Variants in ST3GAL3 observed in about 807,000 individuals in gnomAD.
The protein encoded by ST3GAL3 is ST3 beta-galactoside alpha-2,3-sialyltransferase 3, also known as CMP-N-acetylneuraminate-beta-1,4-galactoside alpha-2,3-sialyltransferase.
ST3GAL3 carries 21 observed loss-of-function variants against 50.1 expected under a neutral mutation model. The observed-to-expected ratio is 0.42, with a 90% confidence interval of 0.30 to 0.60. The LOEUF is 0.60. ST3GAL3 is among the 20% of genes least tolerant of loss of function. The probability of loss-of-function intolerance (pLI) is 0.19; values close to 1 mark genes in which losing one functional copy is unlikely to be tolerated. For missense variants in ST3GAL3, 353 were observed against 489.4 expected, an observed-to-expected ratio of 0.72 and a Z score of 2.63; for synonymous variants, 183 against 190.0, an observed-to-expected ratio of 0.96 and a Z score of 0.30.
At chr1:43,757,068 C>T (rs957475633) in intron 2 of ST3GAL3, among the ~76,000 whole-genome samples, 1 of 152,084 alleles carries the variant, frequency 6.6e-6, no homozygotes, top group African/African-American at 2.4e-5. Flanking sequence ...CCACGCCTAG[C>T]TAACTTTTAT....
intron 5 of ST3GAL3, among the ~76,000 whole-genome samples, chr1:43,854,890 C>G (rs1446369802): frequency 6.6e-6 from 1 of 152,186 alleles, no homozygotes; most frequent in African/African-American, 2.4e-5. Flanking sequence ...TGTCTTCTTT[C>G]CGAGGTCAGT....
intron 4 of ST3GAL3, among the ~76,000 whole-genome samples, chr1:43,828,490 CACAT>C (rs1352254152): frequency 6.6e-6 from 1 of 152,044 alleles, no homozygotes; most frequent in East Asian, 1.9e-4. Flanking sequence ...AAATTGCAAA[CACAT>C]ACCTGATTAA....
chr1:43,813,903 GCACACACACACA>G (rs57672840), intron 3 of ST3GAL3, among the ~76,000 whole-genome samples: 11 of 125,884 alleles, frequency 8.7e-5, no homozygotes, highest in East Asian at 6.1e-4. Context: ...ACGCACACAC[GCACACACACACA>G]CACACACACA....
At chr1:43,820,293 A>G (rs1158311859) in intron 4 of ST3GAL3, among the ~76,000 whole-genome samples, 2 of 152,318 alleles carry the variant, frequency 1.3e-5, no homozygotes, top group South Asian at 2.1e-4. Context: ...ATTTTACCAT[A>G]TATAAAAATT....
intron 3 of ST3GAL3, among the ~76,000 whole-genome samples, chr1:43,803,357 T>G (rs529961566): frequency 1.3e-3 from 191 of 145,252 alleles, no homozygotes; most frequent in African/African-American, 4.5e-3. Flanking sequence ...CTGGGCAGCA[T>G]AGCAAGATCC....
chr1:43,878,105 C>T (rs575498555), intron 5 of ST3GAL3, among the ~76,000 whole-genome samples: 2 of 152,292 alleles, frequency 1.3e-5, no homozygotes, highest in South Asian at 2.1e-4. Context: ...ATCCGTCTCT[C>T]GCCTCTTCTG....
At chr1:43,709,684 A>G (rs1276882725) in intron 1 of ST3GAL3, 2 of 152,170 alleles carry the variant, frequency 1.3e-5, no homozygotes, top group Non-Finnish European at 2.9e-5. Context: ...CTACCAAAAA[A>G]AAAATACAAA....
At chr1:43,869,848 T>G (rs1033902831) in intron 5 of ST3GAL3, among the ~76,000 whole-genome samples, 1 of 152,200 alleles carries the variant, frequency 6.6e-6, no homozygotes, top group Non-Finnish European at 1.5e-5. Context: ...AAACAGCGAC[T>G]GAGATAAGCC....
At chr1:43,839,536 A>G (rs890463749) in intron 5 of ST3GAL3, 3 of 152,248 alleles carry the variant, frequency 2.0e-5, no homozygotes, top group Non-Finnish European at 4.4e-5. Context: ...AACCTCAAAC[A>G]GTACAAAAGG....
intron 9 of ST3GAL3, chr1:43,919,112 C>T (rs1374774342): frequency 9.1e-6 from 1 of 110,000 alleles, no homozygotes; most frequent in Non-Finnish European, 1.7e-5. Flanking sequence ...GAGTCTCGCT[C>T]TGTCGCCCAG....
chr1:43,850,847 C>G, intron 5 of ST3GAL3: 1 of 1,200,338 alleles, frequency 8.3e-7, no homozygotes. Flanking sequence ...GGGGACCTCC[C>G]TGAAGGCCAG....
chr1:43,778,991 G>T (rs1698421032), intron 2 of ST3GAL3, among the ~76,000 whole-genome samples: 2 of 148,668 alleles, frequency 1.3e-5, no homozygotes, highest in Admixed American at 6.8e-5. Flanking sequence ...CATCCAGGCT[G>T]GAGTGCAATG....
intron 5 of ST3GAL3, among the ~76,000 whole-genome samples, chr1:43,892,238 C>T (rs1308831479): frequency 1.3e-5 from 2 of 152,136 alleles, no homozygotes; most frequent in Non-Finnish European, 2.9e-5. Flanking sequence ...CCACTGCGCC[C>T]AGCCTGAACC....
intron 1 of ST3GAL3, among the ~76,000 whole-genome samples, chr1:43,723,297 C>T (rs920584763): frequency 2.6e-5 from 4 of 151,278 alleles, no homozygotes; most frequent in South Asian, 2.1e-4. Context: ...TTAGTAGAGA[C>T]GGGATTTCAC....
intron 2 of ST3GAL3, among the ~76,000 whole-genome samples, chr1:43,764,086 TACAATA>T (rs567601923): frequency 7.0e-4 from 106 of 152,312 alleles, no homozygotes; most frequent in African/African-American, 2.5e-3. Context: ...CTGCTATAAT[TACAATA>T]GTACAAGGTA....
chr1:43,718,449 A>G (rs1250593750), intron 1 of ST3GAL3, among the ~76,000 whole-genome samples: 1 of 151,760 alleles, frequency 6.6e-6, no homozygotes, highest in Non-Finnish European at 1.5e-5. Context: ...TCGGCCTCTC[A>G]AAGTGCTGGG....
chr1:43,839,041 C>G (rs1353601222), intron 5 of ST3GAL3: 1 of 155,432 alleles, frequency 6.4e-6, no homozygotes. Context: ...CTTGGACCAC[C>G]AGAGGAGTGC....
chr1:43,795,057 G>A (rs1402117277), intron 3 of ST3GAL3, among the ~76,000 whole-genome samples: 3 of 152,164 alleles, frequency 2.0e-5, no homozygotes, highest in Non-Finnish European at 4.4e-5. Flanking sequence ...CCATTTTACA[G>A]TAACTCACTA....
chr1:43,733,853 C>T lies in ST3GAL3; in HGVS notation c.-30-2380C>T, dbSNP rs950519590. 2.6e-5 allele frequency among the ~76,000 whole-genome samples: 4 copies of T among 152,322 alleles called. No individual in the cohort carries two copies. In the East Asian group the frequency reaches 5.8e-4, roughly 22 times the overall value. On this transcript the variant is annotated intron_variant, in intron 1 of 11. Coordinates refer to ENST00000347631, the MANE Select transcript of ST3GAL3 (RefSeq NM_006279.5). The stretch of plus-strand genomic sequence containing the variant: ...CTCTTTCACCGGGCGTGGTGGCTCA[C>T]GCCTGTAATCCCAGCACTTTGGGAG...
Sources: allele counts gnomAD v4.1 joint callset (sites outside exome capture counted in the v4.1 genomes callset), GRCh38; gene constraint gnomAD v4.1.1; transcripts MANE v1.5; gene names NCBI Gene and HGNC (gene_info 2026-07-23, HGNC 2026-07-21).